The following PTPRD variants were observed in gnomAD, a reference collection of about 807,000 sequenced individuals.
The protein encoded by PTPRD is protein tyrosine phosphatase receptor type D.
A neutral mutation model predicts 214.5 loss-of-function variants in PTPRD; 34 were observed. That is an observed-to-expected ratio of 0.16 (90% CI 0.12 to 0.21). The LOEUF (loss-of-function observed/expected upper bound fraction) is 0.21. PTPRD is among the 10% of genes least tolerant of loss of function. The pLI is 1.00. For missense variants in PTPRD, 2,545 were observed against 2,398.7 expected (o/e 1.06, Z -1.27); for synonymous variants, 1,128 against 845.7 (o/e 1.33, Z -5.79).
At chr9:10,116,756 T>C (rs1213246977) in intron 3 of PTPRD, among the ~76,000 whole-genome samples, 4 of 152,078 alleles carry the variant, frequency 2.6e-5, no homozygotes, top group Non-Finnish European at 5.9e-5. Flanking sequence ...TGACTCATAG[T>C]GAAGTTCTGT....
intron 2 of PTPRD, among the ~76,000 whole-genome samples, chr9:10,482,469 A>G (rs1276574276): frequency 6.6e-6 from 1 of 151,488 alleles, no homozygotes; most frequent in African/African-American, 2.4e-5. Context: ...CAAATTGGAA[A>G]AGTGGAAATC....
intron 7 of PTPRD, among the ~76,000 whole-genome samples, chr9:9,686,791 CTA>C (rs1334596404): frequency 6.6e-6 from 1 of 151,566 alleles, no homozygotes; most frequent in Non-Finnish European, 1.5e-5. Context: ...ATAAATATAA[CTA>C]TAAGCAAAGA....
chr9:9,521,842 T>G (rs1474124466), intron 8 of PTPRD, among the ~76,000 whole-genome samples: 2 of 152,048 alleles, frequency 1.3e-5, no homozygotes, highest in East Asian at 1.9e-4. Context: ...CTTTGGGGGC[T>G]TATAAATACT....
chr9:9,592,509 G>T (rs891884392), intron 7 of PTPRD, among the ~76,000 whole-genome samples: 2 of 151,974 alleles, frequency 1.3e-5, no homozygotes, highest in Non-Finnish European at 2.9e-5. Context: ...GTAGGAGAAG[G>T]TAATAAAAAC....
intron 12 of PTPRD, among the ~76,000 whole-genome samples, chr9:8,716,517 C>G (rs138838212): frequency 3.6e-3 from 552 of 152,248 alleles, no homozygotes; most frequent in African/African-American, 0.013. Flanking sequence ...AAATTTTATT[C>G]ATTTCAGTTC....
intron 3 of PTPRD, among the ~76,000 whole-genome samples, chr9:10,117,612 GTTTT>G (rs35593505): frequency 6.9e-6 from 1 of 144,666 alleles, no homozygotes; most frequent in African/African-American, 2.5e-5. Context: ...AAATCTCCCC[GTTTT>G]TTTTTTTTTC....
At chr9:8,845,659 A>T (rs1367727724) in intron 11 of PTPRD, among the ~76,000 whole-genome samples, 3 of 152,252 alleles carry the variant, frequency 2.0e-5, no homozygotes, top group Non-Finnish European at 4.4e-5. Context: ...TGTCTAAGTA[A>T]CACTGGGTTT....
chr9:9,431,561 C>T (rs2083137987), intron 8 of PTPRD, among the ~76,000 whole-genome samples: 1 of 152,076 alleles, frequency 6.6e-6, no homozygotes, highest in Admixed American at 6.5e-5. Flanking sequence ...TGGGCATATA[C>T]CCAAAGGATT....
At chr9:8,538,160 T>C (rs1175133000) in intron 14 of PTPRD, among the ~76,000 whole-genome samples, 1 of 152,034 alleles carries the variant, frequency 6.6e-6, no homozygotes, top group Admixed American at 6.6e-5. Context: ...CCTATCAATT[T>C]ATATTTATCA....
At chr9:9,277,460 G>A (rs1356031645) in intron 9 of PTPRD, among the ~76,000 whole-genome samples, 2 of 151,214 alleles carry the variant, frequency 1.3e-5, no homozygotes, top group Admixed American at 1.3e-4. Context: ...ACATATTTCT[G>A]AATAATATAA....
At chr9:8,493,999 GACACACAGACACACAC>G (rs1346346019) in intron 26 of PTPRD, among the ~76,000 whole-genome samples, 3 of 141,900 alleles carry the variant, frequency 2.1e-5, no homozygotes, top group Admixed American at 7.2e-5. Context: ...GACACACACA[GACACACAGACACACAC>G]ACACACACAC....
At chr9:9,903,128 G>A (rs115368231) in intron 5 of PTPRD, among the ~76,000 whole-genome samples, 2 of 152,002 alleles carry the variant, frequency 1.3e-5, no homozygotes, top group African/African-American at 4.8e-5. Context: ...AAATGTGAAA[G>A]AAACAGCTAA....
At chr9:8,695,271 A>T (rs1398757848) in intron 12 of PTPRD, among the ~76,000 whole-genome samples, 2 of 152,132 alleles carry the variant, frequency 1.3e-5, no homozygotes, top group East Asian at 3.8e-4. Flanking sequence ...ATTTGCTCTA[A>T]ATTTTCATTC....
Position 8,953,894 on chromosome 9 carries a change from TG to T in PTPRD, c.-104+64802del, listed in dbSNP as rs1306108910. Among the ~76,000 whole-genome samples, 4 of 152,090 alleles carry T rather than the reference TG, an allele frequency of 2.6e-5. No individual in the cohort carries two copies. The East Asian group carries it at 5.8e-4, about 22-fold the overall frequency. On this transcript the variant is annotated intron_variant, in intron 11 of 45. Transcript: ENST00000381196. ...AGAAAAGGGGACACTTATACACTGG[TG>T]GGAATGTAATTAGTCCTGCCACTGC...
intron 11 of PTPRD, among the ~76,000 whole-genome samples, chr9:9,007,693 A>G (rs943757678): frequency 1.5e-5 from 2 of 132,794 alleles, no homozygotes; most frequent in Admixed American, 1.5e-4. Context: ...AATTCCATTT[A>G]CCCTTCTCCC....
chr9:8,615,481 G>C (rs2095581425), intron 14 of PTPRD, among the ~76,000 whole-genome samples: 1 of 152,046 alleles, frequency 6.6e-6, no homozygotes, highest in Non-Finnish European at 1.5e-5. Flanking sequence ...GTGGACAATG[G>C]CCTTTCATGG....
intron 11 of PTPRD, among the ~76,000 whole-genome samples, chr9:8,863,622 A>G (rs2098144102): frequency 1.3e-5 from 2 of 152,068 alleles, no homozygotes; most frequent in African/African-American, 4.8e-5. Flanking sequence ...TTGTTTTTTC[A>G]TTCTATTTAG....
intron 5 of PTPRD, among the ~76,000 whole-genome samples, chr9:9,777,145 T>C (rs2098804602): frequency 6.6e-6 from 1 of 152,168 alleles, no homozygotes; most frequent in Admixed American, 6.5e-5. Flanking sequence ...AGTAAAAAAT[T>C]AGAAACACTC....
At chr9:8,861,985 T>G (rs2098115026) in intron 11 of PTPRD, 1 of 152,204 alleles carries the variant, frequency 6.6e-6, no homozygotes, top group Non-Finnish European at 1.5e-5. Flanking sequence ...TATTTTTATT[T>G]CAGAGAGTAT....
Sources: allele counts gnomAD v4.1 joint callset (sites outside exome capture counted in the v4.1 genomes callset), GRCh38; gene constraint gnomAD v4.1.1; transcripts MANE v1.5; gene names NCBI Gene and HGNC (gene_info 2026-07-23, HGNC 2026-07-21).